FLACC1: variants seen among roughly 807,000 people sequenced by gnomAD.
The protein encoded by FLACC1 is flagellum-associated coiled-coil domain-containing protein 1.
Under a neutral mutation model 62.8 loss-of-function variants are expected in FLACC1, and 66 were observed. The observed-to-expected ratio is 1.05, with a 90% CI of 0.86 to 1.29. The LOEUF is 1.29. FLACC1 is among the 50% of genes most tolerant of loss of function. The pLI is 0.00. For synonymous variants in FLACC1, 156 were observed against 161.0 expected (o/e 0.97, Z 0.24); for missense variants, 452 against 489.1 (o/e 0.92, Z 0.71).
In FLACC1 at chr2:201,350,766, G is replaced by C. The variant is rs770230256; in HGVS notation, c.130C>G (p.Pro44Ala). Residue 44 changes from proline to alanine, a missense_variant, in exon 3 of 15, where the codon CCA becomes GCA. Coordinates refer to ENST00000392257, the MANE Select transcript of FLACC1 (RefSeq NM_001127391.3). ...AGGTAATTGTGATTTTTTGGAGCTG[G>C]TACAAGAGGAGTTAGCCTGAAAGTG... Reference protein sequence around the residue: ...TGSSKLTPLVPAPKNHNYLQP... With the variant: ...TGSSKLTPLVAAPKNHNYLQP... The C allele has an allele frequency of 6.2e-7, 1 of 1,613,320 alleles. No individual in the cohort carries two copies. The highest frequency in any genetic ancestry group is 8.5e-7 in the Non-Finnish European group (1 of 1,179,288).
rs1384205416 is a variant in FLACC1, at chr2:201,299,195, T to C, written c.942+43A>G. 3.2e-6 allele frequency: 5 copies of C among 1,550,054 alleles called. No individual in the cohort carries two copies. In the African/African-American group the frequency reaches 6.8e-5, roughly 21 times the overall value. ...GACAGCTTGTTATTTTATTGGTGTA[T>C]TTGTAATATACCAAGTCCACAGGAA... On this transcript the variant is annotated intron_variant, in intron 12 of 14. Transcript: ENST00000392257.
intron 3 of FLACC1, among the ~76,000 whole-genome samples, chr2:201,349,717 C>T (rs192379266): frequency 1.6e-3 from 244 of 152,238 alleles, no homozygotes; most frequent in Non-Finnish European, 2.9e-3. Flanking sequence ...CAAGATGCAA[C>T]CCATAGAAAA....
chr2:201,346,394 G>A lies in FLACC1; in HGVS notation c.368+148C>T, dbSNP rs899008182. ...GGAGAGATGCATCATCAGGAAGCAG[G>A]GGCGAGGAGGGAGGTGCCCTTGCGG... On this transcript the variant is annotated intron_variant, in intron 5 of 14. Coordinates refer to ENST00000392257, the MANE Select transcript of FLACC1 (RefSeq NM_001127391.3). The surrounding 1 kb of genome is among the most constrained non-coding windows in gnomAD (Gnocchi z 4.0). 1 of 1,078,814 alleles carries A rather than the reference G, an allele frequency of 9.3e-7. No individual in the cohort carries two copies. Among genetic ancestry groups the A allele is most frequent in the South Asian group, 1.5e-5 (1 of 65,070 alleles). The allele number at this position is 1,078,814 out of a possible 1,614,324, so 66.8% of individuals were successfully genotyped here. A position where few individuals can be genotyped will look rare whatever the true frequency, so the allele number is the denominator to read the frequency against.
At chr2:201,297,568 T>C (rs1949891090) in intron 12 of FLACC1, among the ~76,000 whole-genome samples, 1 of 152,198 alleles carries the variant, frequency 6.6e-6, no homozygotes, top group Non-Finnish European at 1.5e-5. Context: ...TCGCACCTGA[T>C]ACTGCTCATG....
chr2:201,363,575 C>A, the FLACC1 span, among the ~76,000 whole-genome samples: 1 of 151,978 alleles, frequency 6.6e-6, no homozygotes, highest in African/African-American at 2.4e-5. Flanking sequence ...TTCGGAGCAC[C>A]CATTTTCCTC....
chr2:201,341,101 T>G (rs954681642), intron 7 of FLACC1, among the ~76,000 whole-genome samples: 14 of 148,922 alleles, frequency 9.4e-5, no homozygotes, highest in Admixed American at 2.7e-4. Context: ...TTAATTTGAT[T>G]GAATTTGATT....
At chr2:201,342,811 C>T (rs1275621935) in intron 6 of FLACC1, among the ~76,000 whole-genome samples, 2 of 152,180 alleles carry the variant, frequency 1.3e-5, no homozygotes, top group South Asian at 2.1e-4. Context: ...AAAGGCTTGG[C>T]TTGGAAGAGC....
intron 7 of FLACC1, among the ~76,000 whole-genome samples, chr2:201,333,608 T>C (rs1950636391): frequency 7.5e-6 from 1 of 133,494 alleles, no homozygotes; most frequent in African/African-American, 2.8e-5. Flanking sequence ...CCTGTGTCCA[T>C]GTGTTCTCGT....
intron 7 of FLACC1, 28 bp from the exon 8 acceptor site, chr2:201,330,861 T>C: frequency 6.3e-7 from 1 of 1,593,900 alleles, no homozygotes; most frequent in East Asian, 2.2e-5. Context: ...AAGGCCACAA[T>C]CATTAGTAAA....
chr2:201,322,666 G>A (rs1291662558), intron 9 of FLACC1, among the ~76,000 whole-genome samples: 1 of 152,002 alleles, frequency 6.6e-6, no homozygotes, highest in Non-Finnish European at 1.5e-5. Flanking sequence ...AGGAACTCTG[G>A]TAATATGAAA....
chr2:201,327,205 G>A (rs947138997), intron 9 of FLACC1, among the ~76,000 whole-genome samples: 18 of 151,950 alleles, frequency 1.2e-4, no homozygotes, highest in East Asian at 3.9e-4. Flanking sequence ...TATGAGACCC[G>A]AAACTATAAA....
rs147447278 is a variant in FLACC1, at chr2:201,351,316, C to A, written c.89G>T (p.Arg30Leu). 1.9e-4 allele frequency: 299 copies of A among 1,613,676 alleles called. No homozygotes were observed. The highest frequency in any genetic ancestry group is 2.7e-4 in the Admixed American group (16 of 59,994). The change falls in exon 2 of 15, where the codon CGC becomes CTC. Residue 30 changes from arginine to leucine, a missense_variant. Around this residue, in one of 3 missense-constraint regions of FLACC1, gnomAD observed 147 missense variants for 152.7 expected, o/e 0.96. Coordinates refer to ENST00000392257, the MANE Select transcript of FLACC1 (RefSeq NM_001127391.3). ...RKLIKTPQLP[R>L]KNSTGSSKLT... is the part of the protein sequence containing the mutation. ...CTTGGAACTCCCTGTGGAGTTCTTG[C>A]GTGGTAGTTGAGGGGTCTTGATTAG...
At chr2:201,350,924 C>T (rs1012207535) in intron 2 of FLACC1, 142 bp from the exon 3 acceptor site, 69 of 719,878 alleles carry the variant, frequency 9.6e-5, no homozygotes, top group Middle Eastern at 3.9e-4. Context: ...AAATCTGAGG[C>T]CTTTAAAACT....
At chr2:201,359,882 A>C (rs1186331584), upstream of FLACC1, among the ~76,000 whole-genome samples, 1 of 152,140 alleles carries the variant, frequency 6.6e-6, no homozygotes, top group Non-Finnish European at 1.5e-5. Flanking sequence ...CAGAGATTGA[A>C]TATTTACTTT....
At chr2:201,322,387 T>C (rs912413502) in intron 9 of FLACC1, among the ~76,000 whole-genome samples, 2 of 152,146 alleles carry the variant, frequency 1.3e-5, no homozygotes, top group African/African-American at 4.8e-5. Context: ...ACAGTGATCT[T>C]GCTAATATAC....
chr2:201,356,379 C>CA (rs950528389), intron 1 of FLACC1, among the ~76,000 whole-genome samples: 14 of 152,174 alleles, frequency 9.2e-5, no homozygotes, highest in African/African-American at 3.4e-4. Flanking sequence ...AGGCTGGTCT[C>CA]AAACTCCTGA....
At chr2:201,344,045 C>A (rs772233242) in intron 6 of FLACC1, 125 bp downstream of exon 6, 10 of 740,730 alleles carry the variant, frequency 1.4e-5, no homozygotes, top group Non-Finnish European at 2.2e-5. Context: ...TCTTTAGGGT[C>A]CTGTCACCTG....
Position 201,346,441 on chromosome 2 carries a change from T to C in FLACC1, c.368+101A>G. 1.3e-6 allele frequency: 2 copies of C among 1,541,242 alleles called. No homozygotes were observed. Among genetic ancestry groups the C allele is most frequent in the Non-Finnish European group, 1.8e-6 (2 of 1,142,266 alleles). On this transcript the variant is annotated intron_variant, in intron 5 of 14. Transcript: ENST00000392257. The surrounding 1 kb of genome is among the most constrained non-coding windows in gnomAD (Gnocchi z 4.0). ...GCGGCCCCTCCAGAGCAGGGACCAG[T>C]GGCCTGGGTGTGGGCATAGCGGCTT...
chr2:201,293,108 C>T lies in FLACC1; in HGVS notation c.943-3323G>A, dbSNP rs576291152. Among the ~76,000 whole-genome samples the T allele has an allele frequency of 1.4e-4, 21 of 152,194 alleles. No homozygotes were observed. In the South Asian group the frequency reaches 3.9e-3, roughly 29 times the overall value. ...ACACCCCACTGTCAACATTAGACAG[C>T]TCCACGAGACAGAAAGTTAACAAGG... is the stretch of plus-strand genomic sequence containing the variant. On this transcript the variant is annotated intron_variant, in intron 12 of 14. Transcript: ENST00000392257.
Sources: gnomAD v4.1 joint callset for allele counts (sites outside exome capture counted in the v4.1 genomes callset) on GRCh38, gnomAD v4.1.1 for gene constraint, gnomAD v4.1.1 regional missense constraint, Gnocchi (gnomAD v3.1) non-coding constraint, MANE v1.5 for transcripts, NCBI Gene and HGNC (gene_info 2026-07-23, HGNC 2026-07-21) for gene names.